Variants in ST3GAL4 observed in about 807,000 individuals in gnomAD.
The protein encoded by ST3GAL4 is ST3 beta-galactoside alpha-2,3-sialyltransferase 4.
Under a neutral mutation model 42.6 loss-of-function variants are expected in ST3GAL4, and 24 were observed. The ratio of observed to expected loss-of-function variants is 0.56; its 90% CI spans 0.41 to 0.79. The LOEUF is 0.79. Ranked by LOEUF, ST3GAL4 falls within the 30% of genes least tolerant of loss-of-function variation. The probability of loss-of-function intolerance (pLI) is 0.00; values close to 1 mark genes in which losing one functional copy is unlikely to be tolerated. For synonymous variants in ST3GAL4, 135 were observed against 163.2 expected (o/e 0.83, Z 1.32); for missense variants, 311 against 430.8 (o/e 0.72, Z 2.46).
In ST3GAL4 at chr11:126,393,682, G is replaced by A. The variant is rs1262807101; in HGVS notation, c.-60-12414G>A. 1.3e-5 allele frequency among the ~76,000 whole-genome samples: 2 copies of A among 152,170 alleles called. No homozygotes were observed. The highest frequency in any genetic ancestry group is 2.4e-5 in the African/African-American group (1 of 41,440). Reference sequence around the variant, plus strand: ...TAGGCACTTGAGGGTGGACACCACCGTCTTCAGGTCATAGGAAGTGTGAGC... The same window carrying A: ...TAGGCACTTGAGGGTGGACACCACCATCTTCAGGTCATAGGAAGTGTGAGC... On this transcript the variant is annotated intron_variant, in intron 1 of 10. Coordinates refer to ENST00000444328, the MANE Select transcript of ST3GAL4 (RefSeq NM_001254757.2). The surrounding 1 kb of genome is among the most constrained non-coding windows in gnomAD (Gnocchi z 5.9).
intron 1 of ST3GAL4, among the ~76,000 whole-genome samples, chr11:126,389,142 T>C (rs550968970): frequency 1.3e-5 from 2 of 152,228 alleles, no homozygotes; most frequent in South Asian, 4.1e-4. Context: ...TTGCACTTGC[T>C]GTCTGTCTCA....
Position 126,414,228 on chromosome 11 carries a change from G to A in ST3GAL4, c.*181G>A, listed in dbSNP as rs1300403176. 6 of 638,116 alleles carry A rather than the reference G, an allele frequency of 9.4e-6. No individual in the cohort carries two copies. The highest frequency in any genetic ancestry group is 3.8e-5 in the South Asian group (2 of 53,218). 39.5% of individuals were successfully genotyped at this position (638,116 alleles called of 1,614,324 possible). A position where few individuals can be genotyped will look rare whatever the true frequency, so the allele number is the denominator to read the frequency against. The stretch of plus-strand genomic sequence containing the variant: ...TGCCCCTGGCTGCTCTTATGGAGCC[G>A]AGATCCAGTCAGGGTGGGGGCGCTG... On this transcript the variant is annotated 3_prime_UTR_variant, in exon 11 of 11. Transcript: ENST00000444328.
In ST3GAL4 at chr11:126,390,323, G is replaced by GTT. The variant is rs142562472; in HGVS notation, c.-60-15771_-60-15770dup. Among the ~76,000 whole-genome samples the GTT allele has an allele frequency of 1.5e-3, 219 of 148,832 alleles. 3 individuals are homozygous for GTT. Among genetic ancestry groups the GTT allele is most frequent in the South Asian group, 5.1e-3 (24 of 4,736 alleles). ...GGCTGTACTGATGATAGTGTTTCCA[G>GTT]TTTGTTTGTTTTTTTTTGCTATTGC... On this transcript the variant is annotated intron_variant, in intron 1 of 10. Transcript: ENST00000444328.
At chr11:126,360,966 G>C (rs1431499311) in intron 1 of ST3GAL4, among the ~76,000 whole-genome samples, 1 of 152,206 alleles carries the variant, frequency 6.6e-6, no homozygotes, top group Non-Finnish European at 1.5e-5. Flanking sequence ...GCCACCTTGG[G>C]GGTCTCTGTT....
intron 1 of ST3GAL4, among the ~76,000 whole-genome samples, chr11:126,389,679 CTTAG>C (rs1243808960): frequency 3.3e-5 from 5 of 152,280 alleles, no homozygotes; most frequent in East Asian, 1.9e-4. Context: ...ATCCTCCCAC[CTTAG>C]TTAGCCTCCT....
chr11:126,361,099 C>G (rs1256674957), intron 1 of ST3GAL4, among the ~76,000 whole-genome samples: 1 of 152,200 alleles, frequency 6.6e-6, no homozygotes, highest in Non-Finnish European at 1.5e-5. Context: ...CCCATCACCC[C>G]TCCCTAGTAA....
chr11:126,388,473 G>A (rs1201979457), intron 1 of ST3GAL4, among the ~76,000 whole-genome samples: 1 of 151,934 alleles, frequency 6.6e-6, no homozygotes, highest in East Asian at 1.9e-4. Context: ...TGGGATTACA[G>A]GCACCTGCCA....
chr11:126,371,707 A>G (rs1952655331), intron 1 of ST3GAL4, among the ~76,000 whole-genome samples: 1 of 152,102 alleles, frequency 6.6e-6, no homozygotes, highest in Non-Finnish European at 1.5e-5. Flanking sequence ...AGTTGTTTCC[A>G]TTTTTTGCTA....
rs1475490881 is a variant in ST3GAL4 at position 126,376,349 on chromosome 11, C to T, written c.-61+20507C>T. Reference sequence around the variant, plus strand: ...AGAAGTGAATTGGGAAACAGAAAACCGAAAGAGGTTTAGTGGCCCAATGAC... The same window carrying T: ...AGAAGTGAATTGGGAAACAGAAAACTGAAAGAGGTTTAGTGGCCCAATGAC... On this transcript the variant is annotated intron_variant, in intron 1 of 10. Transcript: ENST00000444328. The surrounding 1 kb of genome is among the most constrained non-coding windows in gnomAD (Gnocchi z 5.1). 6.6e-6 allele frequency among the ~76,000 whole-genome samples: 1 copy of T among 152,020 alleles called. No homozygotes were observed. The highest frequency in any genetic ancestry group is 2.4e-5 in the African/African-American group (1 of 41,352).
In ST3GAL4 at chr11:126,388,701, C is replaced by CATAG. The variant is rs368662338; in HGVS notation, c.-60-17394_-60-17391dup. ...TTTTTTCTGATTTACGTGAGCACAT[C>CATAG]ATAGGCTCAGTGAATTTACTGATAT... On this transcript the variant is annotated intron_variant, in intron 1 of 10. Transcript: ENST00000444328. 2.3e-3 allele frequency among the ~76,000 whole-genome samples: 270 copies of CATAG among 119,520 alleles called. 5 individuals are homozygous for CATAG. Among genetic ancestry groups the CATAG allele is most frequent in the African/African-American group, 8.5e-3 (262 of 30,750 alleles). The allele number at this position is 119,520 out of a possible 152,430, so 78.4% of individuals were successfully genotyped here.
chr11:126,387,407 G>A (rs766335638), intron 1 of ST3GAL4, among the ~76,000 whole-genome samples: 4 of 152,096 alleles, frequency 2.6e-5, no homozygotes, highest in Non-Finnish European at 5.9e-5. Context: ...GCCAGGTGTG[G>A]TGGCTCACAC....
In ST3GAL4 at chr11:126,386,924, GC is replaced by G. The variant is rs200212205; in HGVS notation, c.-60-19169del. 1.2e-3 allele frequency among the ~76,000 whole-genome samples: 184 copies of G among 152,152 alleles called. No homozygotes were observed. In the East Asian group the frequency reaches 0.013, roughly 10 times the overall value. ...ACCCCTCCCCCACCCCGCTGGAGAA[GC>G]CCTGCACCAGAGCATACAGTTTGGC... On this transcript the variant is annotated intron_variant, in intron 1 of 10. Coordinates refer to ENST00000444328, the MANE Select transcript of ST3GAL4 (RefSeq NM_001254757.2). The surrounding 1 kb of genome is among the most constrained non-coding windows in gnomAD (Gnocchi z 4.7).
chr11:126,361,729 G>A (rs983909705), intron 1 of ST3GAL4, among the ~76,000 whole-genome samples: 2 of 152,206 alleles, frequency 1.3e-5, no homozygotes, highest in Admixed American at 6.5e-5. Context: ...AGGTGGTTCT[G>A]GGGGTAGTGC....
At position 126,391,409 on chromosome 11, in the gene ST3GAL4, T is replaced by A. The variant is rs943223490; in HGVS notation, c.-60-14687T>A. Reference sequence around the variant, plus strand: ...GAGTGGTGGAACAGTTCTGAAAAGGTCTGTTCTGGAGTGGGGGTGCTGTTT... The same window carrying A: ...GAGTGGTGGAACAGTTCTGAAAAGGACTGTTCTGGAGTGGGGGTGCTGTTT... On this transcript the variant is annotated intron_variant, in intron 1 of 10. Transcript: ENST00000444328. This position sits in a 1 kb window ranked among gnomAD's most constrained non-coding sequence, Gnocchi z 5.5. Among the ~76,000 whole-genome samples the A allele has an allele frequency of 6.6e-6, 1 of 152,070 alleles. No homozygotes were observed. Among genetic ancestry groups the A allele is most frequent in the Non-Finnish European group, 1.5e-5 (1 of 68,014 alleles).
chr11:126,371,957 TTCTG>T (rs72085277), intron 1 of ST3GAL4, among the ~76,000 whole-genome samples: 24,957 of 152,150 alleles, frequency 0.16, 2,184 homozygotes, highest in East Asian at 0.36. Context: ...TGAGCATCTT[TTCTG>T]TCTATTAGGT....
intron 1 of ST3GAL4, among the ~76,000 whole-genome samples, chr11:126,382,765 A>G (rs1213649579): frequency 6.6e-6 from 1 of 152,170 alleles, no homozygotes; most frequent in Non-Finnish European, 1.5e-5. Flanking sequence ...AACCAGTTGT[A>G]GGCTCTGGAA....
At chr11:126,369,988 C>A (rs1952583245) in intron 1 of ST3GAL4, among the ~76,000 whole-genome samples, 1 of 152,186 alleles carries the variant, frequency 6.6e-6, no homozygotes, top group African/African-American at 2.4e-5. Context: ...CGATTTGCAT[C>A]CTATTTTTCA....
rs1449246536 is a variant in ST3GAL4 at position 126,359,057 on chromosome 11, G to A, written c.-61+3215G>A. Among the ~76,000 whole-genome samples the A allele has an allele frequency of 6.6e-6, 1 of 152,152 alleles. No homozygotes were observed. Among genetic ancestry groups the A allele is most frequent in the Non-Finnish European group, 1.5e-5 (1 of 68,026 alleles). ...TTCAAGCCTGTGCATGGGGGTTGGG[G>A]TCCTCAGGATCTTGCTTTCCTGTTT... On this transcript the variant is annotated intron_variant, in intron 1 of 10. Coordinates refer to ENST00000444328, the MANE Select transcript of ST3GAL4 (RefSeq NM_001254757.2). The surrounding 1 kb of genome is among the most constrained non-coding windows in gnomAD (Gnocchi z 4.8).
chr11:126,371,235 G>T (rs904648044), intron 1 of ST3GAL4, among the ~76,000 whole-genome samples: 12 of 138,370 alleles, frequency 8.7e-5, no homozygotes, highest in African/African-American at 3.3e-4. Flanking sequence ...CGCGATCTCG[G>T]CTCACTGCAA....
Sources: gnomAD v4.1 joint callset for allele counts (sites outside exome capture counted in the v4.1 genomes callset) on GRCh38, gnomAD v4.1.1 for gene constraint, Gnocchi (gnomAD v3.1) non-coding constraint, MANE v1.5 for transcripts, NCBI Gene and HGNC (gene_info 2026-07-23, HGNC 2026-07-21) for gene names.